The following RCBTB2 variants were observed in gnomAD, a reference collection of about 807,000 sequenced individuals.
The protein encoded by RCBTB2 is RCC1 and BTB domain-containing protein 2.
In RCBTB2, 55 loss-of-function variants were observed where a neutral mutation model predicts 65.4. The ratio of observed to expected loss-of-function variants is 0.84; its 90% CI spans 0.68 to 1.05. RCBTB2 has a LOEUF of 1.05. RCBTB2 is among the 50% of genes least tolerant of loss of function. The pLI is 0.00. For missense variants in RCBTB2, 599 were observed against 680.1 expected (o/e 0.88, Z 1.33); for synonymous variants, 220 against 255.2 (o/e 0.86, Z 1.31).
intron 6 of RCBTB2, among the ~76,000 whole-genome samples, chr13:48,513,519 C>T (rs1950920344): frequency 6.6e-6 from 1 of 151,966 alleles, no homozygotes; most frequent in African/African-American, 2.4e-5. Flanking sequence ...CTGTATTTTC[C>T]AGCATGTTGT....
chr13:48,529,466 T>C (rs1361303805), intron 1 of RCBTB2, among the ~76,000 whole-genome samples: 1 of 152,226 alleles, frequency 6.6e-6, no homozygotes, highest in Non-Finnish European at 1.5e-5. Flanking sequence ...TCACATACTA[T>C]CTCCTACTGG....
intron 10 of RCBTB2, 33 bp from the exon 11 acceptor site, chr13:48,502,947 G>A: frequency 6.6e-7 from 1 of 1,509,418 alleles, no homozygotes; most frequent in East Asian, 2.4e-5. Context: ...CATAAGCACA[G>A]TGACCGGGGC....
At chr13:48,513,232 A>T (rs1950904956) in intron 6 of RCBTB2, among the ~76,000 whole-genome samples, 1 of 152,232 alleles carries the variant, frequency 6.6e-6, no homozygotes, top group African/African-American at 2.4e-5. Flanking sequence ...CCTAGGTCTT[A>T]ATTTCCTTAT....
At chr13:48,513,749 T>C (rs1165336534) in intron 6 of RCBTB2, among the ~76,000 whole-genome samples, 1 of 152,204 alleles carries the variant, frequency 6.6e-6, no homozygotes, top group Non-Finnish European at 1.5e-5. Flanking sequence ...TGTCTTATAA[T>C]TGGTGTCTGA....
intron 3 of RCBTB2, 45 bp downstream of exon 3, chr13:48,522,263 A>G: frequency 8.1e-7 from 1 of 1,238,638 alleles, no homozygotes; most frequent in Non-Finnish European, 1.1e-6. Context: ...GAAAATTTTC[A>G]TTTCAGAGTT....
At chr13:48,532,789 C>G (rs1047828292) in intron 1 of RCBTB2, 1 of 315,740 alleles carries the variant, frequency 3.2e-6, no homozygotes, top group Admixed American at 4.5e-5. Context: ...GCGGCCTGGG[C>G]TGGGTGTAGC....
intron 10 of RCBTB2, chr13:48,504,485 A>C: frequency 6.5e-6 from 2 of 307,012 alleles, no homozygotes; most frequent in Non-Finnish European, 9.5e-6. Flanking sequence ...AACCCTACCC[A>C]TCTTGTAAGG....
In RCBTB2 at chr13:48,515,283, T is replaced by G; in HGVS notation, c.271A>C (p.Arg91=). The change falls in exon 6 of 15, where the codon AGA becomes CGA. Residue 91 remains arginine (R), a synonymous_variant. Coordinates refer to ENST00000344532, the MANE Select transcript of RCBTB2 (RefSeq NM_001268.4). ...TTTTTGCCATTTAAAGAATCCAGTC[T>G]CCGAGGTTCAATGGTGCTCTGGACG... ...GDVQSTIEPR[R]LDSLNGKKIA... The G allele has an allele frequency of 6.2e-7, 1 of 1,614,110 alleles. No individual in the cohort carries two copies.
Position 48,512,885 on chromosome 13 carries a change from G to T in RCBTB2, c.360C>A (p.Val120=), listed in dbSNP as rs1416020566. 6.2e-7 allele frequency: 1 copy of T among 1,605,724 alleles called. No individual in the cohort carries two copies. The highest frequency in any genetic ancestry group is 1.1e-5 in the South Asian group (1 of 89,766). Residue 120 remains valine, a synonymous_variant, in exon 7 of 15, where the codon GTC becomes GTA. Transcript: ENST00000344532. The part of the protein sequence containing the change: ...HIVLATTEGE[V]FTWGHNAYSQ... Reference sequence around the variant, plus strand: ...TATAAGCATTATGACCCCAGGTAAAGACTTCTCCTTCTGAAAATAAAAAGA... The same window carrying T: ...TATAAGCATTATGACCCCAGGTAAATACTTCTCCTTCTGAAAATAAAAAGA...
intron 14 of RCBTB2, among the ~76,000 whole-genome samples, chr13:48,493,327 T>TCCACACACACACACACACACA (rs1949819244): frequency 2.4e-5 from 3 of 125,200 alleles, no homozygotes; most frequent in African/African-American, 4.1e-5. Flanking sequence ...TCTCTCTCTC[T>TCCACACACACACACACACACA]CTCTCTCTCT....
intron 14 of RCBTB2, 99 bp downstream of exon 14, chr13:48,496,092 A>G (rs1226126402): frequency 8.6e-7 from 1 of 1,158,106 alleles, no homozygotes; most frequent in African/African-American, 1.6e-5. Context: ...AATATTAAAT[A>G]TTTCCTCTAC....
intron 6 of RCBTB2, among the ~76,000 whole-genome samples, chr13:48,513,405 AC>A (rs1428180152): frequency 3.3e-5 from 5 of 151,798 alleles, no homozygotes; most frequent in Admixed American, 2.6e-4. Flanking sequence ...CCTTATAATC[AC>A]CCCCCAAAAG....
At chr13:48,520,696 A>G (rs1174604288) in intron 4 of RCBTB2, among the ~76,000 whole-genome samples, 2 of 152,228 alleles carry the variant, frequency 1.3e-5, no homozygotes, top group African/African-American at 2.4e-5. Flanking sequence ...TGATACCTGT[A>G]TAACTATGCT....
At chr13:48,501,906 A>G (rs1288817368) in intron 11 of RCBTB2, 38 bp from the exon 12 acceptor site, 1 of 1,602,102 alleles carries the variant, frequency 6.2e-7, no homozygotes, top group Non-Finnish European at 8.5e-7. Context: ...AGTTAGCTAC[A>G]GACATAATGA....
intron 14 of RCBTB2, chr13:48,492,600 C>G (rs1408184031): frequency 6.6e-6 from 1 of 152,394 alleles, no homozygotes; most frequent in African/African-American, 2.4e-5. Context: ...GCGTTCTCAT[C>G]GCCAAACCCA....
rs537357311 is a variant in RCBTB2, at chr13:48,500,928, G to A, written c.1244+814C>T. Among the ~76,000 whole-genome samples, 115 of 152,214 alleles carry A rather than the reference G, an allele frequency of 7.6e-4. 2 individuals are homozygous for A. The highest frequency in any genetic ancestry group is 1.5e-3 in the Admixed American group (23 of 15,280). Reference sequence around the variant, plus strand: ...AAGAGGAACTTGAGACTAAAATGCTGTGTTGAGTGTGTGACTCACTGCAGT... The same window carrying A: ...AAGAGGAACTTGAGACTAAAATGCTATGTTGAGTGTGTGACTCACTGCAGT... On this transcript the variant is annotated intron_variant, in intron 12 of 14. Coordinates refer to ENST00000344532, the MANE Select transcript of RCBTB2 (RefSeq NM_001268.4).
At chr13:48,518,472 A>AAAAATATATAT (rs1491137365) in intron 4 of RCBTB2, among the ~76,000 whole-genome samples, 9 of 116,618 alleles carry the variant, frequency 7.7e-5, no homozygotes, top group Admixed American at 1.7e-4. Context: ...AAAAAAAAAA[A>AAAAATATATAT]ATATATATAT....
rs1490299403 is a variant in RCBTB2 at position 48,489,804 on chromosome 13, T to C, written c.*307A>G. 5 of 357,414 alleles carry C rather than the reference T, an allele frequency of 1.4e-5. No homozygotes were observed. The highest frequency in any genetic ancestry group is 1.1e-4 in the South Asian group (4 of 35,872). The allele number at this position is 357,414 out of a possible 1,614,324, so 22.1% of individuals were successfully genotyped here. ...GAATAATGGAACATTTGGGCCAGAA[T>C]AGCATATACTGAGACCAGGGTACCA... On this transcript the variant is annotated 3_prime_UTR_variant, in exon 15 of 15. Transcript: ENST00000344532.
intron 14 of RCBTB2, chr13:48,492,708 A>T (rs1949751654): frequency 6.6e-6 from 1 of 151,782 alleles, no homozygotes; most frequent in African/African-American, 2.5e-5. Flanking sequence ...GCCTGCAGGA[A>T]ACGGTCTGCT....
Sources: gnomAD v4.1 joint callset for allele counts (sites outside exome capture counted in the v4.1 genomes callset) on GRCh38, gnomAD v4.1.1 for gene constraint, MANE v1.5 for transcripts, NCBI Gene and HGNC (gene_info 2026-07-23, HGNC 2026-07-21) for gene names.